RPS6KB1: variants seen among roughly 807,000 people sequenced by gnomAD.
The protein encoded by RPS6KB1 is ribosomal protein S6 kinase B1.
In RPS6KB1, 12 loss-of-function variants were observed where a neutral mutation model predicts 70.2. That is an observed-to-expected ratio of 0.17 (90% CI 0.11 to 0.28). The LOEUF (loss-of-function observed/expected upper bound fraction) is 0.28, where lower values mean the gene tolerates loss of function less well. Among genes scored for constraint, RPS6KB1 ranks in the 10% least tolerant of loss-of-function variants. The pLI is 1.00. For synonymous variants in RPS6KB1, 175 were observed against 211.2 expected (o/e 0.83, Z 1.49); for missense variants, 270 against 646.6 (o/e 0.42, Z 6.32).
chr17:59,933,060 A>G (rs1406366386), intron 7 of RPS6KB1, among the ~76,000 whole-genome samples: 1 of 152,180 alleles, frequency 6.6e-6, no homozygotes, highest in African/African-American at 2.4e-5. Flanking sequence ...GACCCAGGGT[A>G]TCTAGAAGGT....
intron 5 of RPS6KB1, among the ~76,000 whole-genome samples, chr17:59,929,193 C>T (rs566019474): frequency 7.9e-5 from 12 of 151,242 alleles, no homozygotes; most frequent in African/African-American, 1.5e-4. Context: ...TGCAGTGGCA[C>T]GATCTCAGCT....
intron 1 of RPS6KB1, among the ~76,000 whole-genome samples, chr17:59,895,768 G>A (rs530528049): frequency 2.7e-4 from 41 of 151,962 alleles, no homozygotes; most frequent in Admixed American, 2.0e-3. Context: ...GAGTAGCTGG[G>A]ACTACAGGCG....
At chr17:59,918,482 G>T (rs1055078011) in intron 4 of RPS6KB1, among the ~76,000 whole-genome samples, 3 of 151,938 alleles carry the variant, frequency 2.0e-5, no homozygotes, top group Non-Finnish European at 2.9e-5. Context: ...CGATTCTCCT[G>T]CCTCAGCCTC....
intron 1 of RPS6KB1, among the ~76,000 whole-genome samples, chr17:59,896,406 C>G (rs1452782972): frequency 3.9e-5 from 6 of 152,074 alleles, no homozygotes; most frequent in Non-Finnish European, 7.4e-5. Context: ...GTTGGTCAGG[C>G]TGGTCCGGAA....
chr17:59,906,744 G>GA, intron 1 of RPS6KB1, among the ~76,000 whole-genome samples: 2 of 152,200 alleles, frequency 1.3e-5, no homozygotes, highest in South Asian at 4.2e-4. Flanking sequence ...ACCTGGGCTG[G>GA]AGTGCAATGG....
At chr17:59,902,348 G>A (rs982327102) in intron 1 of RPS6KB1, among the ~76,000 whole-genome samples, 25 of 151,762 alleles carry the variant, frequency 1.6e-4, no homozygotes, top group African/African-American at 5.3e-4. Flanking sequence ...CAAGTGATCC[G>A]CCTGCCTTGG....
intron 4 of RPS6KB1, among the ~76,000 whole-genome samples, chr17:59,920,729 C>T (rs1222799810): frequency 3.3e-5 from 5 of 152,208 alleles, no homozygotes; most frequent in African/African-American, 1.2e-4. Context: ...AACAGAGTCT[C>T]ACTACATCAC....
chr17:59,917,732 C>T (rs1028569978), intron 4 of RPS6KB1, among the ~76,000 whole-genome samples: 4 of 152,198 alleles, frequency 2.6e-5, no homozygotes, highest in Non-Finnish European at 4.4e-5. Flanking sequence ...CCACTGTGCC[C>T]AGCCTATTTT....
At chr17:59,944,496 A>G (rs1211775621) in intron 13 of RPS6KB1, among the ~76,000 whole-genome samples, 1 of 152,100 alleles carries the variant, frequency 6.6e-6, no homozygotes, top group Non-Finnish European at 1.5e-5. Context: ...GAGGTGGGAG[A>G]ATAGCTTGGG....
rs767908147 is a variant in RPS6KB1 at position 59,893,332 on chromosome 17, C to T, written c.141+7C>T. 5 of 1,592,636 alleles carry T rather than the reference C, an allele frequency of 3.1e-6. No individual in the cohort carries two copies. In the South Asian group the frequency reaches 4.5e-5, roughly 14 times the overall value. On this transcript the variant is annotated splice_region_variant and intron_variant, in intron 1 of 14. Coordinates refer to ENST00000225577, the MANE Select transcript of RPS6KB1 (RefSeq NM_003161.4). This position sits in a 1 kb window ranked among gnomAD's most constrained non-coding sequence, Gnocchi z 4.1. Reference sequence around the variant, plus strand: ...GGATGAGCTGGAGGAGGGGGTGAGGCCCGGGGTCCCCGGGGGCCCGAGGTG... The same window carrying T: ...GGATGAGCTGGAGGAGGGGGTGAGGTCCGGGGTCCCCGGGGGCCCGAGGTG...
At position 59,940,911 on chromosome 17, in the gene RPS6KB1, A is replaced by T. The variant is rs760407176; in HGVS notation, c.1195A>T (p.Thr399Ser). The stretch of plus-strand genomic sequence containing the variant: ...ACCTGTCGACAGCCCAGATGACTCA[A>T]CTCTCAGTGAAAGTGCCAATCAGGT... ...QTPVDSPDDS[T>S]LSESANQVFL... is the part of the protein sequence containing the mutation. The change falls in exon 13 of 15, where the codon ACT becomes TCT. Residue 399 changes from threonine to serine, a missense_variant. Physicochemically the swap from Thr to Ser is moderately conservative, Grantham distance 58. Transcript: ENST00000225577. 1.0e-5 allele frequency: 16 copies of T among 1,596,762 alleles called. No homozygotes were observed. The highest frequency in any genetic ancestry group is 8.3e-5 in the Admixed American group (5 of 59,968).
intron 1 of RPS6KB1, among the ~76,000 whole-genome samples, chr17:59,901,207 T>A (rs1396050480): frequency 6.7e-6 from 1 of 149,278 alleles, no homozygotes; most frequent in Non-Finnish European, 1.5e-5. Context: ...TGGAGTACAG[T>A]GGCGCGATCT....
intron 12 of RPS6KB1, among the ~76,000 whole-genome samples, 179 bp downstream of exon 12, chr17:59,936,720 CCTGTAAGTCCCAG>C (rs1323046673): frequency 6.6e-6 from 1 of 152,176 alleles, no homozygotes; most frequent in African/African-American, 2.4e-5. Context: ...GCGGCTTGTG[CCTGTAAGTCCCAG>C]CTACTTGCAA....
intron 1 of RPS6KB1, among the ~76,000 whole-genome samples, chr17:59,901,625 G>GAAAAAAAAAA (rs58530265): frequency 3.0e-3 from 235 of 78,702 alleles, no homozygotes; most frequent in Non-Finnish European, 4.1e-3. Flanking sequence ...CCCTGTCTCT[G>GAAAAAAAAAA]AAAAAAAAAA....
At chr17:59,945,376 A>G in intron 13 of RPS6KB1, 30 bp from the exon 14 acceptor site, 1 of 1,231,004 alleles carries the variant, frequency 8.1e-7, no homozygotes, top group Non-Finnish European at 1.2e-6. Flanking sequence ...ACAAAATGCC[A>G]TTCTGTAGTC....
chr17:59,932,182 A>G (rs1361540098), intron 7 of RPS6KB1, among the ~76,000 whole-genome samples: 2 of 151,944 alleles, frequency 1.3e-5, no homozygotes, highest in African/African-American at 2.4e-5. Flanking sequence ...AGGTGGGTGG[A>G]TCACCTGAGG....
intron 10 of RPS6KB1, among the ~76,000 whole-genome samples, chr17:59,935,828 G>A (rs1206312251): frequency 1.3e-5 from 2 of 149,640 alleles, no homozygotes; most frequent in Non-Finnish European, 3.0e-5. Context: ...TTTTTTTTCT[G>A]AGATGGAGTC....
At chr17:59,944,260 G>C (rs1446897544) in intron 13 of RPS6KB1, among the ~76,000 whole-genome samples, 6 of 152,150 alleles carry the variant, frequency 3.9e-5, no homozygotes, top group Non-Finnish European at 8.8e-5. Context: ...TTGATAAATA[G>C]AAGATAGGTG....
intron 1 of RPS6KB1, among the ~76,000 whole-genome samples, chr17:59,908,865 G>A (rs901032630): frequency 7.2e-6 from 1 of 139,234 alleles, no homozygotes; most frequent in East Asian, 2.2e-4. Context: ...TGATCCGCCC[G>A]CCTCGGCCTC....
Sources: gnomAD v4.1 joint callset for allele counts (sites outside exome capture counted in the v4.1 genomes callset) on GRCh38, gnomAD v4.1.1 for gene constraint, Gnocchi (gnomAD v3.1) non-coding constraint, MANE v1.5 for transcripts, NCBI Gene and HGNC (gene_info 2026-07-23, HGNC 2026-07-21) for gene names.